ARID5A: variants seen among roughly 807,000 people sequenced by gnomAD.
ARID5A encodes the protein AT-rich interactive domain-containing protein 5A.
Under a neutral mutation model 30.5 loss-of-function variants are expected in ARID5A, and 14 were observed. The observed-to-expected ratio is 0.46, with a 90% CI of 0.30 to 0.72. ARID5A has a LOEUF of 0.72. Among genes scored for constraint, ARID5A ranks in the 30% least tolerant of loss-of-function variants. The pLI is 0.07. For missense variants in ARID5A, 669 were observed against 786.2 expected, an observed-to-expected ratio of 0.85 and a Z score of 1.78; for synonymous variants, 338 against 340.4, an observed-to-expected ratio of 0.99 and a Z score of 0.08.
intron 1 of ARID5A, among the ~76,000 whole-genome samples, chr2:96,545,119 CT>C (rs55962613): frequency 0.69 from 101,440 of 146,060 alleles, 35,184 homozygotes; most frequent in South Asian, 0.88. Flanking sequence ...TTTTTTTCTT[CT>C]TTTTTTTTCT....
Position 96,552,625 on chromosome 2 carries a change from T to C in ARID5A, c.*312T>C. 7.1e-7 allele frequency: 1 copy of C among 1,402,848 alleles called. No homozygotes were observed. The allele number at this position is 1,402,848 out of a possible 1,614,324, so 86.9% of individuals were successfully genotyped here. ...GGAAAATCCAATAAAAAGACACCAG[T>C]GTGAATCCACGTAGCCCTGAGGTGT... is the stretch of plus-strand genomic sequence containing the variant. On this transcript the variant is annotated 3_prime_UTR_variant, in exon 7 of 7. Transcript: ENST00000357485.
In ARID5A at chr2:96,539,411, G is replaced by T. The variant is rs997024121; in HGVS notation, c.4+2581G>T. 2.0e-5 allele frequency among the ~76,000 whole-genome samples: 3 copies of T among 152,184 alleles called. No homozygotes were observed. The highest frequency in any genetic ancestry group is 1.3e-4 in the Admixed American group (2 of 15,288). On this transcript the variant is annotated intron_variant, in intron 1 of 6. Coordinates refer to ENST00000357485, the MANE Select transcript of ARID5A (RefSeq NM_212481.3). The surrounding 1 kb of genome is among the most constrained non-coding windows in gnomAD (Gnocchi z 4.7). ...TACCTTCTAGTCCTGGCTAAGCCCCGTGAGACATCTTAAGTTTGTCTTCAG... is the reference window on the plus strand; with the variant it reads ...TACCTTCTAGTCCTGGCTAAGCCCCTTGAGACATCTTAAGTTTGTCTTCAG...
At position 96,550,184 on chromosome 2, in the gene ARID5A, G is replaced by T. The variant is rs1279994994; in HGVS notation, c.313-4G>T. 2.0e-6 allele frequency: 3 copies of T among 1,534,472 alleles called. No homozygotes were observed. In the African/African-American group the frequency reaches 4.1e-5, roughly 21 times the overall value. On this transcript the variant is annotated splice_region_variant and splice_polypyrimidine_tract_variant and intron_variant, in intron 4 of 6. Transcript: ENST00000357485. This position sits in a 1 kb window ranked among gnomAD's most constrained non-coding sequence, Gnocchi z 6.6. ...GGCCGCGCCCTCACGAGGTGCCCTTGCAGGTGACCGGGCGCCGCCTCTGGA... is the reference window on the plus strand; with the variant it reads ...GGCCGCGCCCTCACGAGGTGCCCTTTCAGGTGACCGGGCGCCGCCTCTGGA...
In ARID5A at chr2:96,550,629, A is replaced by T. The variant is rs1192633355; in HGVS notation, c.466A>T (p.Thr156Ser). The T allele has an allele frequency of 6.2e-7, 1 of 1,607,566 alleles. No individual in the cohort carries two copies. ...LKGEDDKPLP[T>S]SKPRKQYKMA... ...GGGGGAGGATGACAAGCCGCTGCCCACCTCCAAGCCCAGGAAACAGTACAA... is the reference window on the plus strand; with the variant it reads ...GGGGGAGGATGACAAGCCGCTGCCCTCCTCCAAGCCCAGGAAACAGTACAA... The change falls in exon 6 of 7, where the codon ACC (threonine) becomes TCC (serine). Residue 156 changes from threonine to serine, a missense_variant. Thr to Ser is a moderately conservative substitution (Grantham distance 58). Around this residue, in one of 4 missense-constraint regions of ARID5A, gnomAD observed 548 missense variants for 577.4 expected, o/e 0.95. Coordinates refer to ENST00000357485, the MANE Select transcript of ARID5A (RefSeq NM_212481.3). The surrounding 1 kb of genome is among the most constrained non-coding windows in gnomAD (Gnocchi z 6.6).
rs1445565872 is a variant in ARID5A at position 96,551,244 on chromosome 2, A to G, written c.716A>G (p.Tyr239Cys). ...GGTGCCAGCGGCTGTCCTGAGGCCT[A>G]CAAGCGGCTCCTATCCAGCTTCTAC... ...FVGASGCPEA[Y>C]KRLLSSFYCK... Residue 239 changes from tyrosine (Y) to cysteine (C), a missense_variant, in exon 7 of 7, where the codon TAC becomes TGC. Transcript: ENST00000357485. 2 of 1,613,782 alleles carry G rather than the reference A, an allele frequency of 1.2e-6. No homozygotes were observed. The highest frequency in any genetic ancestry group is 2.2e-5 in the East Asian group (1 of 44,894).
At position 96,550,280 on chromosome 2, in the gene ARID5A, C is replaced by T. The variant is rs1308043718; in HGVS notation, c.405C>T (p.Tyr135=). ...CGGCCACGTGCACGCGCCGCCACTA[C>T]GAGAGGTACGGCGGGGCGGGCCCGG... ...TSAATCTRRH[Y]ERLVLPYVRH... is the part of the protein sequence containing the mutation. The change falls in exon 5 of 7, where the codon TAC becomes TAT. Residue 135 remains tyrosine, a synonymous_variant. Coordinates refer to ENST00000357485, the MANE Select transcript of ARID5A (RefSeq NM_212481.3). The surrounding 1 kb of genome is among the most constrained non-coding windows in gnomAD (Gnocchi z 6.6). The T allele has an allele frequency of 2.0e-5, 29 of 1,460,212 alleles. No individual in the cohort carries two copies. The highest frequency in any genetic ancestry group is 2.6e-5 in the Non-Finnish European group (29 of 1,113,528). 90.5% of individuals were successfully genotyped at this position (1,460,212 alleles called of 1,614,324 possible). A position where few individuals can be genotyped will look rare whatever the true frequency, so the allele number is the denominator to read the frequency against.
Position 96,551,392 on chromosome 2 carries a change from G to A in ARID5A, c.864G>A (p.Ala288=), listed in dbSNP as rs747073721. 19 of 1,609,260 alleles carry A rather than the reference G, an allele frequency of 1.2e-5. No homozygotes were observed. The highest frequency in any genetic ancestry group is 1.7e-5 in the Admixed American group (1 of 59,238). Residue 288 remains alanine (A), a synonymous_variant, in exon 7 of 7, where the codon GCG becomes GCA. Coordinates refer to ENST00000357485, the MANE Select transcript of ARID5A (RefSeq NM_212481.3). ...EGCRHGAEPQ[A]SPAVHLPESP... ...GCCGCCATGGGGCAGAGCCCCAGGC[G>A]TCCCCAGCTGTTCACCTCCCAGAGA...
chr2:96,542,095 A>AT (rs1258763621), intron 1 of ARID5A, among the ~76,000 whole-genome samples: 4 of 152,158 alleles, frequency 2.6e-5, no homozygotes, highest in East Asian at 3.9e-4. Flanking sequence ...TTTCAAGCTT[A>AT]TTTTTTATAG....
chr2:96,543,127 C>A (rs2065873027), intron 1 of ARID5A, among the ~76,000 whole-genome samples: 1 of 152,210 alleles, frequency 6.6e-6, no homozygotes, highest in South Asian at 2.1e-4. Context: ...GGACTGGTTT[C>A]TCTCCAGGCT....
chr2:96,551,502 T>C lies in ARID5A; in HGVS notation c.974T>C (p.Leu325Pro), dbSNP rs371248446. 18 of 1,593,504 alleles carry C rather than the reference T, an allele frequency of 1.1e-5. No individual in the cohort carries two copies. The highest frequency in any genetic ancestry group is 1.5e-5 in the Non-Finnish European group (18 of 1,169,900). ...QEGLQAPGGSLREEAQAGPCP... is the reference protein window; with the variant it reads ...QEGLQAPGGSPREEAQAGPCP... ...GGATTGCAGGCCCCAGGTGGCAGCCTCAGAGAGGAGGCGCAGGCAGGCCCC... is the reference window on the plus strand; with the variant it reads ...GGATTGCAGGCCCCAGGTGGCAGCCCCAGAGAGGAGGCGCAGGCAGGCCCC... Residue 325 changes from leucine to proline, a missense_variant, in exon 7 of 7, where the codon CTC becomes CCC. Leu to Pro is a moderately conservative substitution (Grantham distance 98). Transcript: ENST00000357485.
Position 96,550,307 on chromosome 2 carries a change from T to C in ARID5A, c.410+22T>C. 2 of 1,428,150 alleles carry C rather than the reference T, an allele frequency of 1.4e-6. No individual in the cohort carries two copies. Among genetic ancestry groups the C allele is most frequent in the Non-Finnish European group, 1.8e-6 (2 of 1,099,706 alleles). The allele number at this position is 1,428,150 out of a possible 1,614,324, so 88.5% of individuals were successfully genotyped here. ...AGAGGTACGGCGGGGCGGGCCCGGG[T>C]GCTGGACGCCGCCTACCCTGCGGGG... On this transcript the variant is annotated intron_variant, in intron 5 of 6. Transcript: ENST00000357485. This position sits in a 1 kb window ranked among gnomAD's most constrained non-coding sequence, Gnocchi z 6.6.
chr2:96,541,545 A>G (rs2065845561), intron 1 of ARID5A, among the ~76,000 whole-genome samples: 1 of 152,230 alleles, frequency 6.6e-6, no homozygotes, highest in Non-Finnish European at 1.5e-5. Context: ...TGGGGAAAGT[A>G]GCATTTTACA....
rs766877562 is a variant in ARID5A at position 96,551,610 on chromosome 2, ACTT to A, written c.1088_1090del (p.Phe363del). On this transcript the variant is annotated inframe_deletion, in exon 7 of 7. Coordinates refer to ENST00000357485, the MANE Select transcript of ARID5A (RefSeq NM_212481.3). Reference sequence around the variant, plus strand: ...AAGCCTGTCAGCCAGCACCCCAGGGACTTCTTCTCTAGACTTAAAGATGGGGTG... The same window carrying A: ...AAGCCTGTCAGCCAGCACCCCAGGGACTTCTCTAGACTTAAAGATGGGGTG... 15 of 1,557,448 alleles carry A rather than the reference ACTT, an allele frequency of 9.6e-6. No individual in the cohort carries two copies. In the East Asian group the frequency reaches 1.8e-4, roughly 19 times the overall value.
Position 96,549,347 on chromosome 2 carries a change from G to A in ARID5A, c.147G>A (p.Arg49=), listed in dbSNP as rs770430196. 2 of 1,613,356 alleles carry A rather than the reference G, an allele frequency of 1.2e-6. No individual in the cohort carries two copies. The highest frequency in any genetic ancestry group is 1.7e-6 in the Non-Finnish European group (2 of 1,179,894). The change falls in exon 3 of 7, where the codon CGG becomes CGA. Residue 49 remains arginine, a synonymous_variant. Transcript: ENST00000357485. This position sits in a 1 kb window ranked among gnomAD's most constrained non-coding sequence, Gnocchi z 6.1. ...ACTCCCCCGAGGCAGGCGGGGAGCG[G>A]GAGGAGGAGCAGGAGCGGGAGGAGG... ...LEDSPEAGGE[R]EEEQEREEEQ...
In ARID5A at chr2:96,549,349, A is replaced by T. The variant is rs2065985220; in HGVS notation, c.149A>T (p.Glu50Val). The change falls in exon 3 of 7, where the codon GAG becomes GTG. Residue 50 changes from glutamate (E) to valine (V), a missense_variant. By Grantham distance (121) the Glu-to-Val change is moderately radical. Around this residue, in one of 4 missense-constraint regions of ARID5A, gnomAD observed 56 missense variants for 72.8 expected, o/e 0.77. Coordinates refer to ENST00000357485, the MANE Select transcript of ARID5A (RefSeq NM_212481.3). The surrounding 1 kb of genome is among the most constrained non-coding windows in gnomAD (Gnocchi z 6.1). ...TCCCCCGAGGCAGGCGGGGAGCGGG[A>T]GGAGGAGCAGGAGCGGGAGGAGGAG... ...EDSPEAGGER[E>V]EEQEREEEQA... 6.2e-7 allele frequency: 1 copy of T among 1,612,990 alleles called. No individual in the cohort carries two copies. The highest frequency in any genetic ancestry group is 1.7e-4 in the Middle Eastern group (1 of 5,766).
At chr2:96,544,423 C>T (rs1302306571) in intron 1 of ARID5A, among the ~76,000 whole-genome samples, 1 of 152,186 alleles carries the variant, frequency 6.6e-6, no homozygotes, top group African/African-American at 2.4e-5. Flanking sequence ...GTACTGGTGA[C>T]TTTAAGTTGA....
intron 1 of ARID5A, among the ~76,000 whole-genome samples, chr2:96,538,743 G>C (rs1248257482): frequency 6.6e-6 from 1 of 152,196 alleles, no homozygotes; most frequent in East Asian, 1.9e-4. Flanking sequence ...CCGAGGGGGC[G>C]GGGCGGCGTC....
rs1489003443 is a variant in ARID5A at position 96,550,386 on chromosome 2, G to T, written c.410+101G>T. ...GTGGACTCTGCCCGGAGCGGGCAGG[G>T]TATGCGCCGTCCTCAGAGCTGCGGG... is the stretch of plus-strand genomic sequence containing the variant. On this transcript the variant is annotated intron_variant, in intron 5 of 6. Transcript: ENST00000357485. This position sits in a 1 kb window ranked among gnomAD's most constrained non-coding sequence, Gnocchi z 6.6. 19 of 1,434,138 alleles carry T rather than the reference G, an allele frequency of 1.3e-5. No homozygotes were observed. The highest frequency in any genetic ancestry group is 1.6e-5 in the Non-Finnish European group (18 of 1,098,820). The allele number at this position is 1,434,138 out of a possible 1,614,324, so 88.8% of individuals were successfully genotyped here.
intron 1 of ARID5A, among the ~76,000 whole-genome samples, chr2:96,541,160 C>T (rs1451442273): frequency 6.6e-6 from 1 of 152,012 alleles, no homozygotes; most frequent in Non-Finnish European, 1.5e-5. Flanking sequence ...GCCTCAGCCT[C>T]CTGAGTAGCT....
Sources: allele counts gnomAD v4.1 joint callset (sites outside exome capture counted in the v4.1 genomes callset), GRCh38; gene constraint gnomAD v4.1.1; regional missense constraint gnomAD v4.1.1; non-coding constraint Gnocchi (gnomAD v3.1); transcripts MANE v1.5; gene names NCBI Gene and HGNC (gene_info 2026-07-23, HGNC 2026-07-21).